CPLX2: variants seen among roughly 807,000 people sequenced by gnomAD.
CPLX2 encodes the protein complexin-2.
A neutral mutation model predicts 16.3 loss-of-function variants in CPLX2; 5 were observed. The observed-to-expected ratio is 0.31, with a 90% CI of 0.16 to 0.64. The LOEUF is 0.64. Among genes scored for constraint, CPLX2 ranks in the 30% least tolerant of loss-of-function variants. The pLI is 0.79. For missense variants in CPLX2, 144 were observed against 181.4 expected (o/e 0.79, Z 1.18); for synonymous variants, 89 against 73.2 (o/e 1.22, Z -1.10).
chr5:175,873,291 G>T (rs904953590), intron 1 of CPLX2, among the ~76,000 whole-genome samples: 2 of 151,380 alleles, frequency 1.3e-5, no homozygotes, highest in Non-Finnish European at 2.9e-5. Context: ...ACACACGCAC[G>T]CACTCACACG....
At position 175,845,685 on chromosome 5, in the gene CPLX2, C is replaced by T. The variant is rs773986230; in HGVS notation, c.-88-32967C>T. Among the ~76,000 whole-genome samples the T allele has an allele frequency of 2.6e-5, 4 of 152,190 alleles. No homozygotes were observed. Among genetic ancestry groups the T allele is most frequent in the African/African-American group, 4.8e-5 (2 of 41,438 alleles). ...CGGGGACTCATTGGTGCTGGTTCCA[C>T]GGGCCTGGCACACTGCCTGGCACAG... On this transcript the variant is annotated intron_variant, in intron 2 of 4. Coordinates refer to the CPLX2 transcript ENST00000359546. The surrounding 1 kb of genome is among the most constrained non-coding windows in gnomAD (Gnocchi z 4.0).
At chr5:175,864,504 A>C in intron 2 of CPLX2, among the ~76,000 whole-genome samples, 1 of 152,204 alleles carries the variant, frequency 6.6e-6, no homozygotes, top group Non-Finnish European at 1.5e-5. Context: ...GTTTGCGGGC[A>C]TCTGTCTCCC....
intron 1 of CPLX2, among the ~76,000 whole-genome samples, chr5:175,804,417 C>T (rs1346658042): frequency 2.0e-5 from 3 of 152,124 alleles, no homozygotes; most frequent in African/African-American, 7.2e-5. Flanking sequence ...TGATACTGGG[C>T]CTGTACCCTA....
chr5:175,797,714 G>T (rs1318275513), intron 1 of CPLX2, among the ~76,000 whole-genome samples: 1 of 152,164 alleles, frequency 6.6e-6, no homozygotes, highest in Non-Finnish European at 1.5e-5. Flanking sequence ...CACTCCCCGG[G>T]TTCCGCCCCC....
intron 2 of CPLX2, among the ~76,000 whole-genome samples, chr5:175,847,828 A>AC (rs1432885648): frequency 6.6e-6 from 1 of 152,026 alleles, no homozygotes; most frequent in Non-Finnish European, 1.5e-5. Flanking sequence ...ACTGCCTGGG[A>AC]CCCCCAGCCC....
At chr5:175,844,874 A>G (rs184379640) in intron 2 of CPLX2, among the ~76,000 whole-genome samples, 10 of 152,374 alleles carry the variant, frequency 6.6e-5, no homozygotes, top group Middle Eastern at 3.4e-3. Flanking sequence ...GGCTGGGAAG[A>G]TGAGTCTTTG....
At chr5:175,876,456 G>T (rs1759757913) in intron 1 of CPLX2, among the ~76,000 whole-genome samples, 1 of 152,056 alleles carries the variant, frequency 6.6e-6, no homozygotes, top group African/African-American at 2.4e-5. Flanking sequence ...GAGAAGAAAA[G>T]AGGAGAGGAG....
rs1416317043 is a variant in CPLX2 at position 175,879,534 on chromosome 5, T to A, written c.208-314T>A. On this transcript the variant is annotated intron_variant, in intron 3 of 3. Coordinates refer to ENST00000393745, the MANE Select transcript of CPLX2 (RefSeq NM_001008220.2). ...AGAAGTAGTCTTCCATTGGTTCAAG[T>A]CAGATTCGTCACCAAAATTTGGCTC... Among the ~76,000 whole-genome samples, 4 of 152,198 alleles carry A rather than the reference T, an allele frequency of 2.6e-5. 1 individual carries two copies. The South Asian group carries it at 8.3e-4, about 31-fold the overall frequency.
chr5:175,860,410 A>C (rs1759339084), intron 2 of CPLX2, among the ~76,000 whole-genome samples: 1 of 151,250 alleles, frequency 6.6e-6, no homozygotes, highest in African/African-American at 2.5e-5. Context: ...TCTCAAAAAA[A>C]ATAAAGAAAG....
Position 175,866,575 on chromosome 5 carries a change from T to C in CPLX2, c.-88-12077T>C, listed in dbSNP as rs73328329. ...CTGCTTTGACATGCTAATGAGTGCC[T>C]GAATCTGGGAGGGTGGGACGGGATG... is the stretch of plus-strand genomic sequence containing the variant. On this transcript the variant is annotated intron_variant, in intron 2 of 4. Coordinates refer to the CPLX2 transcript ENST00000359546. Among the ~76,000 whole-genome samples the C allele has an allele frequency of 5.6e-3, 835 of 148,326 alleles. 8 individuals carry two copies. The highest frequency in any genetic ancestry group is 0.019 in the African/African-American group (769 of 39,782).
intron 2 of CPLX2, among the ~76,000 whole-genome samples, chr5:175,822,626 T>C (rs1758534747): frequency 6.6e-6 from 1 of 152,252 alleles, no homozygotes; most frequent in Non-Finnish European, 1.5e-5. Flanking sequence ...CAACACTCTA[T>C]CTTTCTACAT....
intron 1 of CPLX2, among the ~76,000 whole-genome samples, chr5:175,802,737 G>A (rs1489337393): frequency 6.6e-6 from 1 of 152,202 alleles, no homozygotes. Context: ...TAAAATGGGG[G>A]TAATACCGCC....
chr5:175,846,924 G>C (rs1759053222), intron 2 of CPLX2, among the ~76,000 whole-genome samples: 1 of 152,252 alleles, frequency 6.6e-6, no homozygotes, highest in Admixed American at 6.5e-5. Context: ...TCCAGGGGCA[G>C]TTAGACCAAG....
chr5:175,870,418 G>A (rs1356815637), upstream of CPLX2, among the ~76,000 whole-genome samples: 2 of 152,116 alleles, frequency 1.3e-5, no homozygotes, highest in Non-Finnish European at 2.9e-5. Context: ...CCCCTTCCTT[G>A]GAAGGAAGCC....
intron 2 of CPLX2, among the ~76,000 whole-genome samples, chr5:175,850,048 C>T (rs976474363): frequency 6.6e-6 from 1 of 152,244 alleles, no homozygotes; most frequent in African/African-American, 2.4e-5. Context: ...TGCAGCGGGC[C>T]ACACCACGGC....
chr5:175,853,274 C>T (rs565918284), intron 2 of CPLX2, among the ~76,000 whole-genome samples: 1 of 152,320 alleles, frequency 6.6e-6, no homozygotes, highest in African/African-American at 2.4e-5. Flanking sequence ...GCTACTCCAC[C>T]AGTCAAGCCG....
chr5:175,878,221 C>A (rs948164478), intron 1 of CPLX2: 2 of 153,120 alleles, frequency 1.3e-5, no homozygotes, highest in Admixed American at 1.3e-4. Flanking sequence ...CCGCCGGAGC[C>A]GGGGAAAGGT....
At chr5:175,851,487 T>C (rs1759153237) in intron 2 of CPLX2, among the ~76,000 whole-genome samples, 1 of 151,896 alleles carries the variant, frequency 6.6e-6, no homozygotes, top group Non-Finnish European at 1.5e-5. Context: ...TGGAGGGAGA[T>C]TTCCCCCACA....
At chr5:175,838,159 A>G (rs904898319) in intron 2 of CPLX2, among the ~76,000 whole-genome samples, 1 of 152,048 alleles carries the variant, frequency 6.6e-6, no homozygotes, top group Non-Finnish European at 1.5e-5. Context: ...TTGCCAACGT[A>G]AGGGAGCGTC....
Sources: gnomAD v4.1 joint callset for allele counts (sites outside exome capture counted in the v4.1 genomes callset) on GRCh38, gnomAD v4.1.1 for gene constraint, Gnocchi (gnomAD v3.1) non-coding constraint, MANE v1.5 for transcripts, NCBI Gene and HGNC (gene_info 2026-07-23, HGNC 2026-07-21) for gene names.